CA10: variants seen among roughly 807,000 people sequenced by gnomAD.
The protein encoded by CA10 is carbonic anhydrase 10 (inactive).
Under a neutral mutation model 44.2 loss-of-function variants are expected in CA10, and 14 were observed. That is an observed-to-expected ratio of 0.32 (90% CI 0.21 to 0.50). The LOEUF (loss-of-function observed/expected upper bound fraction) is 0.50. CA10 is among the 20% of genes least tolerant of loss of function. CA10 has a pLI of 0.99. For synonymous variants in CA10, 159 were observed against 141.6 expected, an observed-to-expected ratio of 1.12 and a Z score of -0.87; for missense variants, 350 against 409.7, an observed-to-expected ratio of 0.85 and a Z score of 1.26.
intron 6 of CA10, among the ~76,000 whole-genome samples, chr17:51,638,308 C>T (rs1476518715): frequency 6.6e-6 from 1 of 152,238 alleles, no homozygotes; most frequent in Non-Finnish European, 1.5e-5. Flanking sequence ...TTCCATCCAC[C>T]AAAGTCTCTG....
At chr17:51,939,841 T>C (rs1265583739) in intron 2 of CA10, among the ~76,000 whole-genome samples, 2 of 152,104 alleles carry the variant, frequency 1.3e-5, no homozygotes, top group African/African-American at 4.8e-5. Context: ...TAGCCTCTTA[T>C]CTAGCTTTTA....
chr17:51,794,682 G>A (rs1249663795), intron 3 of CA10, among the ~76,000 whole-genome samples: 1 of 152,110 alleles, frequency 6.6e-6, no homozygotes, highest in Non-Finnish European at 1.5e-5. Context: ...TTTTGGGCCT[G>A]TGTGCAAAGC....
At chr17:51,772,651 G>C (rs1350552960) in intron 3 of CA10, among the ~76,000 whole-genome samples, 1 of 134,822 alleles carries the variant, frequency 7.4e-6, no homozygotes, top group Non-Finnish European at 1.6e-5. Context: ...GACAAGGAGA[G>C]GGAAAAGAGA....
intron 1 of CA10, among the ~76,000 whole-genome samples, chr17:52,078,248 C>T (rs922860769): frequency 6.6e-6 from 1 of 152,192 alleles, no homozygotes; most frequent in African/African-American, 2.4e-5. Flanking sequence ...TCTGAGATAG[C>T]ACAGTTGAGG....
intron 2 of CA10, among the ~76,000 whole-genome samples, chr17:52,068,284 C>A (rs9904007): frequency 6.6e-6 from 1 of 152,172 alleles, no homozygotes; most frequent in Admixed American, 6.5e-5. Context: ...CAGCACTTTT[C>A]CTTCCTGCAG....
chr17:51,928,362 G>A (rs1442792697), intron 3 of CA10, among the ~76,000 whole-genome samples: 6 of 152,076 alleles, frequency 3.9e-5, no homozygotes, highest in Non-Finnish European at 7.4e-5. Flanking sequence ...CAGTGCATAG[G>A]ATGAGAAGGA....
At chr17:51,662,989 T>C (rs1418124436) in intron 4 of CA10, among the ~76,000 whole-genome samples, 2 of 152,166 alleles carry the variant, frequency 1.3e-5, no homozygotes, top group African/African-American at 4.8e-5. Context: ...TTGAGCCTAG[T>C]CAGATACCTC....
intron 2 of CA10, among the ~76,000 whole-genome samples, chr17:52,050,680 AGG>A (rs1299572306): frequency 6.6e-6 from 1 of 151,988 alleles, no homozygotes; most frequent in Non-Finnish European, 1.5e-5. Context: ...AGGACTTCCA[AGG>A]TTTGTGCTCC....
chr17:51,981,255 A>G (rs1984644241), intron 2 of CA10, among the ~76,000 whole-genome samples: 1 of 152,046 alleles, frequency 6.6e-6, no homozygotes, highest in South Asian at 2.1e-4. Context: ...TCATAACCCC[A>G]AACTGAAACA....
At chr17:52,042,666 C>A (rs1178887232) in intron 2 of CA10, among the ~76,000 whole-genome samples, 1 of 151,820 alleles carries the variant, frequency 6.6e-6, no homozygotes, top group African/African-American at 2.4e-5. Flanking sequence ...TTAAAAAAAT[C>A]TTTGGCAAGA....
At chr17:52,111,311 A>G (rs987841650) in intron 1 of CA10, among the ~76,000 whole-genome samples, 1 of 152,214 alleles carries the variant, frequency 6.6e-6, no homozygotes. Flanking sequence ...TGTGATGCAG[A>G]TTATACTTGT....
intron 2 of CA10, among the ~76,000 whole-genome samples, chr17:52,038,863 G>T: frequency 6.6e-6 from 1 of 152,122 alleles, no homozygotes; most frequent in Non-Finnish European, 1.5e-5. Context: ...TTAAGACTTG[G>T]TGTTTCTCTG....
At chr17:51,897,602 A>T (rs1032618817) in intron 3 of CA10, among the ~76,000 whole-genome samples, 1 of 152,194 alleles carries the variant, frequency 6.6e-6, no homozygotes, top group African/African-American at 2.4e-5. Flanking sequence ...TTCTGGGAAG[A>T]ATGTCATTGG....
intron 4 of CA10, among the ~76,000 whole-genome samples, chr17:51,721,930 T>C (rs1916363978): frequency 6.6e-6 from 1 of 152,162 alleles, no homozygotes; most frequent in Non-Finnish European, 1.5e-5. Context: ...TTATGTTTCC[T>C]TGAGTTCTGT....
intron 3 of CA10, among the ~76,000 whole-genome samples, chr17:51,810,498 G>C (rs1186651730): frequency 6.6e-6 from 1 of 152,140 alleles, no homozygotes; most frequent in African/African-American, 2.4e-5. Context: ...TGAGGGAAGA[G>C]AGGAAGGGCA....
rs187774003 is a variant in CA10, at chr17:51,735,455, G to C, written c.465+12178C>G. 1.6e-4 allele frequency among the ~76,000 whole-genome samples: 25 copies of C among 152,154 alleles called. No individual in the cohort carries two copies. The East Asian group carries it at 4.9e-3, about 30-fold the overall frequency. On this transcript the variant is annotated intron_variant, in intron 4 of 8. Coordinates refer to ENST00000451037, the MANE Select transcript of CA10 (RefSeq NM_020178.5). ...ACTATGCTCAGTACCTGGGTGATGG[G>C]ATCATCTGTATCCCAAACCTCAGCA...
At position 51,818,055 on chromosome 17, in the gene CA10, C is replaced by T. The variant is rs544905969; in HGVS notation, c.280-70237G>A. 2.0e-5 allele frequency among the ~76,000 whole-genome samples: 3 copies of T among 152,310 alleles called. No homozygotes were observed. The East Asian group carries it at 5.8e-4, about 29-fold the overall frequency. On this transcript the variant is annotated intron_variant, in intron 3 of 8. Coordinates refer to ENST00000451037, the MANE Select transcript of CA10 (RefSeq NM_020178.5). ...TAGTGTATGTGTTTGCCAAGTATAG[C>T]TGTGACAAGGCTGCTGCCAGAATGG... is the stretch of plus-strand genomic sequence containing the variant.
intron 3 of CA10, among the ~76,000 whole-genome samples, chr17:51,891,753 G>A (rs1312625928): frequency 3.3e-5 from 5 of 152,250 alleles, no homozygotes; most frequent in African/African-American, 9.6e-5. Context: ...CTTTTGCCCC[G>A]CCCTGTCATT....
At chr17:51,962,724 A>G (rs949837069) in intron 2 of CA10, among the ~76,000 whole-genome samples, 2 of 152,186 alleles carry the variant, frequency 1.3e-5, no homozygotes, top group African/African-American at 4.8e-5. Context: ...AGAAAGGGAA[A>G]GAAAAAACCC....
Sources: gnomAD v4.1 joint callset for allele counts (sites outside exome capture counted in the v4.1 genomes callset) on GRCh38, gnomAD v4.1.1 for gene constraint, MANE v1.5 for transcripts, NCBI Gene and HGNC (gene_info 2026-07-23, HGNC 2026-07-21) for gene names.